NFATC2IP: variants seen among roughly 807,000 people sequenced by gnomAD.
NFATC2IP encodes the protein NFATC2-interacting protein.
Under a neutral mutation model 40.2 loss-of-function variants are expected in NFATC2IP, and 25 were observed. The observed-to-expected ratio is 0.62, with a 90% CI of 0.45 to 0.87. The LOEUF (loss-of-function observed/expected upper bound fraction) is 0.87, where lower values mean the gene tolerates loss of function less well. Ranked by LOEUF, NFATC2IP falls within the 40% of genes least tolerant of loss-of-function variation. NFATC2IP has a pLI of 0.00. For missense variants in NFATC2IP, 553 were observed against 555.6 expected (o/e 1.00, Z 0.05); for synonymous variants, 241 against 236.3 (o/e 1.02, Z -0.18).
intron 5 of NFATC2IP, chr16:28,957,206 G>A (rs1196261623): frequency 6.6e-6 from 1 of 151,850 alleles, no homozygotes; most frequent in Admixed American, 6.6e-5. Flanking sequence ...ACTAATTTAT[G>A]TATTTTTAGT....
At chr16:28,960,117 TC>T (rs1198380658) in intron 7 of NFATC2IP, among the ~76,000 whole-genome samples, 1 of 152,148 alleles carries the variant, frequency 6.6e-6, no homozygotes, top group Non-Finnish European at 1.5e-5. Flanking sequence ...CACGGTGTTC[TC>T]CATGTGTCTC....
chr16:28,955,368 G>C (rs1965008974), intron 3 of NFATC2IP, among the ~76,000 whole-genome samples: 1 of 152,158 alleles, frequency 6.6e-6, no homozygotes, highest in African/African-American at 2.4e-5. Flanking sequence ...CTTGAGCCCA[G>C]GAGTTCAAGA....
Position 28,956,000 on chromosome 16 carries a change from T to C in NFATC2IP, c.601T>C (p.Ser201Pro). 3 of 1,614,008 alleles carry C rather than the reference T, an allele frequency of 1.9e-6. No individual in the cohort carries two copies. Among genetic ancestry groups the C allele is most frequent in the South Asian group, 2.2e-5 (2 of 91,072 alleles). Residue 201 changes from serine to proline, a missense_variant, in exon 4 of 8, where the codon TCC becomes CCC. Ser to Pro is a moderately conservative substitution (Grantham distance 74). Transcript: ENST00000320805. ...EFLDLDNSPLSPPSPRTKSRT... is the reference protein window; with the variant it reads ...EFLDLDNSPLPPPSPRTKSRT... ...CAGGGATCTGGACAACTCTCCTCTG[T>C]CCCCACCTTCACCAAGGACCAAAAG...
chr16:28,961,714 C>G (rs1965089369), intron 7 of NFATC2IP, among the ~76,000 whole-genome samples: 1 of 151,944 alleles, frequency 6.6e-6, no homozygotes, highest in South Asian at 2.1e-4. Flanking sequence ...GTCTGATCAA[C>G]ATGGTGAAAC....
rs551151142 is a variant in NFATC2IP at position 28,956,986 on chromosome 16, G to T, written c.846+649G>T. On this transcript the variant is annotated intron_variant, in intron 5 of 7. Coordinates refer to ENST00000320805, the MANE Select transcript of NFATC2IP (RefSeq NM_032815.4). ...CTGGCAGCCCATGGCTTTTCCAACA[G>T]TGTGTCTGCTTTCTTTGTAGACTTA... The T allele has an allele frequency of 4.6e-5, 7 of 152,142 alleles. No individual in the cohort carries two copies. In the East Asian group the frequency reaches 1.4e-3, roughly 29 times the overall value. The allele number at this position is 152,142 out of a possible 1,614,324, so 9.4% of individuals were successfully genotyped here. A position where few individuals can be genotyped will look rare whatever the true frequency, so the allele number is the denominator to read the frequency against.
intron 3 of NFATC2IP, 69 bp downstream of exon 3, chr16:28,954,751 A>G (rs1965002641): frequency 1.1e-6 from 1 of 928,918 alleles, no homozygotes; most frequent in Non-Finnish European, 1.7e-6. Flanking sequence ...GGAGGCAGGC[A>G]GGACTCTTGG....
Position 28,951,019 on chromosome 16 carries a change from A to C in NFATC2IP, c.8A>C (p.Glu3Ala). The change falls in exon 1 of 8, where the codon GAG becomes GCG. Residue 3 changes from glutamate (E) to alanine (A), a missense_variant. By Grantham distance (107) the Glu-to-Ala change is moderately radical (BLOSUM62 -1). Coordinates refer to ENST00000320805, the MANE Select transcript of NFATC2IP (RefSeq NM_032815.4). The part of the protein sequence containing the change: MA[E>A]PVGKRGRWSG... ...TGTGGAGGAAAGTGTGCCATGGCGG[A>C]GCCTGTGGGGAAGCGGGGCCGCTGG... 1 of 1,515,702 alleles carries C rather than the reference A, an allele frequency of 6.6e-7. No individual in the cohort carries two copies. The highest frequency in any genetic ancestry group is 8.8e-7 in the Non-Finnish European group (1 of 1,135,926). 93.9% of individuals were successfully genotyped at this position (1,515,702 alleles called of 1,614,324 possible).
chr16:28,961,208 G>A (rs1025792467), intron 7 of NFATC2IP, among the ~76,000 whole-genome samples: 5 of 151,068 alleles, frequency 3.3e-5, no homozygotes, highest in Non-Finnish European at 5.9e-5. Flanking sequence ...CAGGCCTATA[G>A]TTCCAGCTAC....
At position 28,950,995 on chromosome 16, in the gene NFATC2IP, G is replaced by GT. The variant is rs1403376930; in HGVS notation, c.-16dup. Reference sequence around the variant, plus strand: ...AGGCGAGAGGAGGCGGGCGTGTGTTGTGGAGGAAAGTGTGCCATGGCGGAG... The same window carrying GT: ...AGGCGAGAGGAGGCGGGCGTGTGTTGTTGGAGGAAAGTGTGCCATGGCGGAG... On this transcript the variant is annotated 5_prime_UTR_variant, in exon 1 of 8. Transcript: ENST00000320805. The GT allele has an allele frequency of 1.3e-6, 2 of 1,486,426 alleles. No homozygotes were observed. The highest frequency in any genetic ancestry group is 1.8e-6 in the Non-Finnish European group (2 of 1,123,908). The allele number at this position is 1,486,426 out of a possible 1,614,324, so 92.1% of individuals were successfully genotyped here. A position where few individuals can be genotyped will look rare whatever the true frequency, so the allele number is the denominator to read the frequency against.
At position 28,951,259 on chromosome 16, in the gene NFATC2IP, C is replaced by T. The variant is rs1324337464; in HGVS notation, c.248C>T (p.Ala83Val). 1.3e-6 allele frequency: 2 copies of T among 1,483,340 alleles called. No homozygotes were observed. The highest frequency in any genetic ancestry group is 2.3e-5 in the Admixed American group (1 of 43,516). 91.9% of individuals were successfully genotyped at this position (1,483,340 alleles called of 1,614,324 possible). A position where few individuals can be genotyped will look rare whatever the true frequency, so the allele number is the denominator to read the frequency against. Residue 83 changes from alanine (A) to valine (V), a missense_variant, in exon 1 of 8, where the codon GCG (alanine) becomes GTG (valine). Physicochemically the swap from Ala to Val is moderately conservative, Grantham distance 64. Transcript: ENST00000320805. ...CCCCCGGAGCCCCCGGGGCCGGTCG[C>T]GTCCCGGGATAACAGCAACAGTGAC... ...VEPPEPPGPV[A>V]SRDNSNSDSE...
At chr16:28,956,505 C>T (rs73533881) in intron 5 of NFATC2IP, 168 bp downstream of exon 5, 8,515 of 593,254 alleles carry the variant, frequency 0.014, 541 homozygotes, top group African/African-American at 0.14. Flanking sequence ...CTTTTTGTTT[C>T]CTCTGTCTGC....
rs1965138568 is a variant in NFATC2IP, at chr16:28,965,737, AG to A, written c.*1878del. On this transcript the variant is annotated 3_prime_UTR_variant, in exon 8 of 8. Transcript: ENST00000320805. ...AAAAATTGAAATTTTCTTTGTATCTAGGGGTATCCGTCACTGAACAGAAATT... is the reference window on the plus strand; with the variant it reads ...AAAAATTGAAATTTTCTTTGTATCTAGGGTATCCGTCACTGAACAGAAATT... 6.6e-6 allele frequency: 1 copy of A among 152,030 alleles called. No homozygotes were observed. Among genetic ancestry groups the A allele is most frequent in the Non-Finnish European group, 1.5e-5 (1 of 68,000 alleles). 9.4% of individuals were successfully genotyped at this position (152,030 alleles called of 1,614,324 possible).
At chr16:28,953,471 C>T (rs985818115) in intron 2 of NFATC2IP, among the ~76,000 whole-genome samples, 1 of 152,104 alleles carries the variant, frequency 6.6e-6, no homozygotes, top group African/African-American at 2.4e-5. Context: ...TGAGAATTAA[C>T]GAAAGGGAAT....
Position 28,966,172 on chromosome 16 carries a change from T to C in NFATC2IP, c.*2309T>C, listed in dbSNP as rs1026405725. 3.3e-5 allele frequency: 5 copies of C among 152,294 alleles called. No individual in the cohort carries two copies. Among genetic ancestry groups the C allele is most frequent in the Non-Finnish European group, 4.4e-5 (3 of 68,036 alleles). 9.4% of individuals were successfully genotyped at this position (152,294 alleles called of 1,614,324 possible). The stretch of plus-strand genomic sequence containing the variant: ...TAAGATATTTTACATCTTCTCCTGT[T>C]AGCTGTTCAGCTTTTCCTTTCATAT... On this transcript the variant is annotated 3_prime_UTR_variant, in exon 8 of 8. Transcript: ENST00000320805.
At chr16:28,959,159 C>T in intron 7 of NFATC2IP, 59 bp downstream of exon 7, 1 of 1,061,262 alleles carries the variant, frequency 9.4e-7, no homozygotes, top group Non-Finnish European at 1.5e-6. Flanking sequence ...CCTCTTGTCT[C>T]TCTTGTCAGT....
intron 5 of NFATC2IP, 190 bp downstream of exon 5, chr16:28,956,527 G>T: frequency 1.7e-6 from 1 of 573,246 alleles, no homozygotes; most frequent in South Asian, 2.2e-5. Context: ...TTTTCCCAAC[G>T]CTCCCCTCTC....
chr16:28,955,113 G>C (rs1965006705), intron 3 of NFATC2IP, among the ~76,000 whole-genome samples: 1 of 152,142 alleles, frequency 6.6e-6, no homozygotes, highest in African/African-American at 2.4e-5. Flanking sequence ...AAAATCGCTT[G>C]ATCCCAGGAG....
At chr16:28,952,784 C>G (rs1964981991) in intron 2 of NFATC2IP, 1 of 151,440 alleles carries the variant, frequency 6.6e-6, no homozygotes, top group African/African-American at 2.4e-5. Flanking sequence ...CTTTTGTTGC[C>G]CAAGCTGGAG....
chr16:28,951,025 T>TGGGGAAGCGGGGCCGCTGGTCCG lies in NFATC2IP; in HGVS notation c.16_38dup (p.Gly18AlafsTer36), dbSNP rs1964957939. Reference sequence around the variant, plus strand: ...GGAAAGTGTGCCATGGCGGAGCCTGTGGGGAAGCGGGGCCGCTGGTCCGGA... The same window carrying TGGGGAAGCGGGGCCGCTGGTCCG: ...GGAAAGTGTGCCATGGCGGAGCCTGTGGGGAAGCGGGGCCGCTGGTCCGGGGGAAGCGGGGCCGCTGGTCCGGA... On this transcript the variant is annotated frameshift_variant, in exon 1 of 8. Coordinates refer to ENST00000320805, the MANE Select transcript of NFATC2IP (RefSeq NM_032815.4). LOFTEE classifies it high-confidence loss of function. 6.6e-7 allele frequency: 1 copy of TGGGGAAGCGGGGCCGCTGGTCCG among 1,520,960 alleles called. No individual in the cohort carries two copies. The highest frequency in any genetic ancestry group is 1.4e-5 in the African/African-American group (1 of 70,638). The allele number at this position is 1,520,960 out of a possible 1,614,324, so 94.2% of individuals were successfully genotyped here.
Sources: allele counts gnomAD v4.1 joint callset (sites outside exome capture counted in the v4.1 genomes callset), GRCh38; gene constraint gnomAD v4.1.1; transcripts MANE v1.5; gene names NCBI Gene and HGNC (gene_info 2026-07-23, HGNC 2026-07-21).